Variants in NOTCH4 observed in about 807,000 individuals in gnomAD.
The protein encoded by NOTCH4 is neurogenic locus notch homolog protein 4.
NOTCH4 carries 138 observed loss-of-function variants against 189.0 expected under a neutral mutation model. The ratio of observed to expected loss-of-function variants is 0.73; its 90% CI spans 0.64 to 0.84. The LOEUF (loss-of-function observed/expected upper bound fraction) is 0.84. NOTCH4 is among the 40% of genes least tolerant of loss of function. The probability of loss-of-function intolerance (pLI) is 0.00; values close to 1 mark genes in which losing one functional copy is unlikely to be tolerated. For synonymous variants in NOTCH4, 942 were observed against 1,032.8 expected (o/e 0.91, Z 1.69); for missense variants, 2,286 against 2,605.4 (o/e 0.88, Z 2.67).
rs1042397789 is a variant in NOTCH4 at position 32,212,662 on chromosome 6, G to C, written c.2527-35C>G. ...GGGAGGGAGCGTGAGGCAGGACATA[G>C]CATCAGATTCTCAGCCCAGAGATGG... On this transcript the variant is annotated intron_variant, in intron 16 of 29. Transcript: ENST00000375023. The surrounding 1 kb of genome is among the most constrained non-coding windows in gnomAD (Gnocchi z 4.4). 2 of 1,586,990 alleles carry C rather than the reference G, an allele frequency of 1.3e-6. No individual in the cohort carries two copies. Among genetic ancestry groups the C allele is most frequent in the Non-Finnish European group, 1.7e-6 (2 of 1,166,726 alleles).
At position 32,196,086 on chromosome 6, in the gene NOTCH4, C is replaced by T; in HGVS notation, c.5363G>A (p.Gly1788Glu). Residue 1788 changes from glycine (G) to glutamate (E), a missense_variant, in exon 30 of 30, where the codon GGG becomes GAG. Physicochemically the swap from Gly to Glu is moderately conservative, Grantham distance 98. This residue lies in a region of NOTCH4 where 383 missense variants were observed against 343.5 expected (regional missense o/e 1.11). Coordinates refer to ENST00000375023, the MANE Select transcript of NOTCH4 (RefSeq NM_004557.4). ...GAVEVAQLLL[G>E]LGAARELRDQ... is the part of the protein sequence containing the mutation. ...CCGCAGCTCTCGGGCTGCCCCCAGC[C>T]CCAGCAGTAGCTGGGCTACTTCCAC... is the stretch of plus-strand genomic sequence containing the variant. 1 of 1,593,088 alleles carries T rather than the reference C, an allele frequency of 6.3e-7. No individual in the cohort carries two copies. The highest frequency in any genetic ancestry group is 8.5e-7 in the Non-Finnish European group (1 of 1,176,868).
At position 32,195,912 on chromosome 6, in the gene NOTCH4, ACCGT is replaced by A; in HGVS notation, c.5533_5536del (p.Thr1845CysfsTer3). ...CCCATGCGGGGGCACGCTTACTGAC[ACCGT>A]CCGTGCGCGCGGGAAGGGCCCAGCC... On this transcript the variant is annotated frameshift_variant, in exon 30 of 30. Coordinates refer to ENST00000375023, the MANE Select transcript of NOTCH4 (RefSeq NM_004557.4). LOFTEE classifies it low-confidence loss of function (END_TRUNC). This position sits in a 1 kb window ranked among gnomAD's most constrained non-coding sequence, Gnocchi z 5.4. 6.3e-7 allele frequency: 1 copy of A among 1,586,948 alleles called. No homozygotes were observed. The highest frequency in any genetic ancestry group is 8.5e-7 in the Non-Finnish European group (1 of 1,174,176).
chr6:32,220,950 C>A (rs2071284), intron 4 of NOTCH4, 28 bp downstream of exon 4: 1 of 1,591,722 alleles, frequency 6.3e-7, no homozygotes, highest in Non-Finnish European at 8.6e-7. Flanking sequence ...GAGAGAGGGG[C>A]GGCCGGAGAG....
chr6:32,204,059 G>A, intron 19 of NOTCH4, 78 bp downstream of exon 19: 1 of 1,566,982 alleles, frequency 6.4e-7, no homozygotes, highest in South Asian at 1.1e-5. Context: ...CTGCCGCATG[G>A]GTGGAGACTA....
intron 18 of NOTCH4, among the ~76,000 whole-genome samples, chr6:32,205,835 C>G (rs1001988182): frequency 6.6e-6 from 1 of 151,962 alleles, no homozygotes; most frequent in African/African-American, 2.4e-5. Flanking sequence ...TGAGACCAGC[C>G]TGGCCAACAT....
rs1789699440 is a variant in NOTCH4 at position 32,220,626 on chromosome 6, T to G, written c.938A>C (p.Glu313Ala). 6.2e-7 allele frequency: 1 copy of G among 1,613,832 alleles called. No individual in the cohort carries two copies. The change falls in exon 6 of 30, where the codon GAA becomes GCA. Residue 313 changes from glutamate to alanine, a missense_variant. This residue lies in a region of NOTCH4 where 1,903 missense variants were observed against 2,261.9 expected (regional missense o/e 0.84). Transcript: ENST00000375023. The part of the protein sequence containing the change: ...PETWTGWDCS[E>A]DVDECETQGP... Reference sequence around the variant, plus strand: ...CTGGGTCTCACACTCATCCACATCTTCGGAGCAGTCCCAGCCTGCAGGGGG... The same window carrying G: ...CTGGGTCTCACACTCATCCACATCTGCGGAGCAGTCCCAGCCTGCAGGGGG...
At chr6:32,203,298 A>G (rs3132935) in intron 20 of NOTCH4, 29,135 of 155,664 alleles carry the variant, frequency 0.19, 2,886 homozygotes, top group South Asian at 0.25. Flanking sequence ...GGACTTAAGT[A>G]GATGTAAGTT....
rs868488933 is a variant in NOTCH4, at chr6:32,223,915, G to A, written c.14C>T (p.Ser5Leu). Reference protein sequence around the residue: MQPPSLLLLLLLLLL... With the variant: MQPPLLLLLLLLLLL... ...CAGCAGCAGCAGCAGCAGCAGCAGTGAAGGGGGCTGCATTCCACAGCCCCT... is the reference window on the plus strand; with the variant it reads ...CAGCAGCAGCAGCAGCAGCAGCAGTAAAGGGGGCTGCATTCCACAGCCCCT... The change falls in exon 1 of 30, where the codon TCA becomes TTA. Residue 5 changes from serine to leucine, a missense_variant. Around this residue, in one of 2 missense-constraint regions of NOTCH4, gnomAD observed 1,903 missense variants for 2,261.9 expected, o/e 0.84. Coordinates refer to ENST00000375023, the MANE Select transcript of NOTCH4 (RefSeq NM_004557.4). The A allele has an allele frequency of 6.8e-7, 1 of 1,469,814 alleles. No individual in the cohort carries two copies. Among genetic ancestry groups the A allele is most frequent in the Non-Finnish European group, 9.3e-7 (1 of 1,070,004 alleles). The allele number at this position is 1,469,814 out of a possible 1,614,324, so 91.0% of individuals were successfully genotyped here. A position where few individuals can be genotyped will look rare whatever the true frequency, so the allele number is the denominator to read the frequency against.
chr6:32,198,656 A>ACCTCCTCTCC lies in NOTCH4; in HGVS notation c.4600_4609dup (p.Val1537GlyfsTer8). 6.2e-7 allele frequency: 1 copy of ACCTCCTCTCC among 1,611,434 alleles called. No individual in the cohort carries two copies. Among genetic ancestry groups the ACCTCCTCTCC allele is most frequent in the Non-Finnish European group, 8.5e-7 (1 of 1,179,424 alleles). ...TTGCCCCAGCCCTTTCACCTGGCCCACCTCCTCTCCCTCCTCAGGGCCTGA... is the reference window on the plus strand; with the variant it reads ...TTGCCCCAGCCCTTTCACCTGGCCCACCTCCTCTCCCCTCCTCTCCCTCCTCAGGGCCTGA... On this transcript the variant is annotated frameshift_variant, in exon 25 of 30. Transcript: ENST00000375023. LOFTEE classifies it high-confidence loss of function. This position sits in a 1 kb window ranked among gnomAD's most constrained non-coding sequence, Gnocchi z 5.5.
At chr6:32,197,819 CTTTTTTTT>C (rs9281668) in intron 26 of NOTCH4, among the ~76,000 whole-genome samples, 2 of 132,994 alleles carry the variant, frequency 1.5e-5, no homozygotes, top group Non-Finnish European at 3.2e-5. Context: ...GTGGTTTTCT[CTTTTTTTT>C]TTTTTTTTTT....
At chr6:32,222,951 C>A (rs1289628991) in intron 2 of NOTCH4, 54 bp downstream of exon 2, 2 of 1,564,868 alleles carry the variant, frequency 1.3e-6, no homozygotes, top group East Asian at 2.2e-5. Flanking sequence ...CTCTCCCCCC[C>A]TGCTCTCCCT....
At chr6:32,203,102 C>G (rs1407949191) in intron 20 of NOTCH4, 1 of 152,322 alleles carries the variant, frequency 6.6e-6, no homozygotes, top group Non-Finnish European at 1.5e-5. Context: ...CAGGGTTTCT[C>G]CATGTTTGTC....
chr6:32,208,794 C>T (rs1200387696), intron 18 of NOTCH4, among the ~76,000 whole-genome samples: 1 of 152,118 alleles, frequency 6.6e-6, no homozygotes, highest in Non-Finnish European at 1.5e-5. Flanking sequence ...GAAAGGGGAA[C>T]CCTCATACAC....
At chr6:32,208,003 CAAAAAAAA>C (rs9279505) in intron 18 of NOTCH4, among the ~76,000 whole-genome samples, 1 of 129,882 alleles carries the variant, frequency 7.7e-6, no homozygotes. Flanking sequence ...GACTCCTTCT[CAAAAAAAA>C]AAAAAAAAAA....
In NOTCH4 at chr6:32,198,782, C is replaced by G; in HGVS notation, c.4536-52G>C. 1 of 1,544,738 alleles carries G rather than the reference C, an allele frequency of 6.5e-7. No homozygotes were observed. Among genetic ancestry groups the G allele is most frequent in the South Asian group, 1.2e-5 (1 of 81,064 alleles). On this transcript the variant is annotated intron_variant, in intron 24 of 29. Coordinates refer to ENST00000375023, the MANE Select transcript of NOTCH4 (RefSeq NM_004557.4). The surrounding 1 kb of genome is among the most constrained non-coding windows in gnomAD (Gnocchi z 5.5). ...TACACGGAATTATGACCATCAGGGT[C>G]TCCAAAATTTCCAGCAGGCTTCCCA...
At chr6:32,211,435 CAA>C (rs559352953) in intron 17 of NOTCH4, among the ~76,000 whole-genome samples, 4 of 135,080 alleles carry the variant, frequency 3.0e-5, no homozygotes, top group African/African-American at 2.7e-5. Flanking sequence ...ACTAAAAATA[CAA>C]AAAAAAAAAA....
Position 32,195,273 on chromosome 6 carries a change from T to A in NOTCH4, c.*164A>T, listed in dbSNP as rs1787787178. The A allele has an allele frequency of 3.0e-6, 2 of 666,998 alleles. No homozygotes were observed. The highest frequency in any genetic ancestry group is 4.9e-6 in the Non-Finnish European group (2 of 407,182). 41.3% of individuals were successfully genotyped at this position (666,998 alleles called of 1,614,324 possible). On this transcript the variant is annotated 3_prime_UTR_variant, in exon 30 of 30. Coordinates refer to ENST00000375023, the MANE Select transcript of NOTCH4 (RefSeq NM_004557.4). This position sits in a 1 kb window ranked among gnomAD's most constrained non-coding sequence, Gnocchi z 5.4. Reference sequence around the variant, plus strand: ...ACCCTCTTTCCAGAGCTGCAGCTTCTCCACGTGGAAGATGTCTGCTCTGGT... The same window carrying A: ...ACCCTCTTTCCAGAGCTGCAGCTTCACCACGTGGAAGATGTCTGCTCTGGT...
chr6:32,215,230 G>A lies in NOTCH4; in HGVS notation c.2017C>T (p.Gln673Ter). The A allele has an allele frequency of 6.3e-7, 1 of 1,597,584 alleles. No individual in the cohort carries two copies. Among genetic ancestry groups the A allele is most frequent in the East Asian group, 2.2e-5 (1 of 44,554 alleles). ...GGAGGGTCTGGAAGATGTTACCTCTGGCAGTGCCCGTGGTGGCAGGTGCAG... is the reference window on the plus strand; with the variant it reads ...GGAGGGTCTGGAAGATGTTACCTCTAGCAGTGCCCGTGGTGGCAGGTGCAG... ...DNCTCHHGHC[Q>*]RSSCVCDVGW... Residue 673 changes from glutamine (Q) to a stop codon, truncating the protein, a stop_gained, in exon 12 of 30, where the codon CAG becomes TAG. Coordinates refer to ENST00000375023, the MANE Select transcript of NOTCH4 (RefSeq NM_004557.4). LOFTEE classifies it high-confidence loss of function.
intron 3 of NOTCH4, 50 bp downstream of exon 3, chr6:32,222,461 A>C (rs1049651956): frequency 1.4e-6 from 2 of 1,454,778 alleles, no homozygotes; most frequent in African/African-American, 2.9e-5. Flanking sequence ...CCCACAGCCT[A>C]GCCCATTGCT....
Sources: gnomAD v4.1 joint callset for allele counts (sites outside exome capture counted in the v4.1 genomes callset) on GRCh38, gnomAD v4.1.1 for gene constraint, gnomAD v4.1.1 regional missense constraint, Gnocchi (gnomAD v3.1) non-coding constraint, MANE v1.5 for transcripts, NCBI Gene and HGNC (gene_info 2026-07-23, HGNC 2026-07-21) for gene names.